Variants in KLHL8 observed in about 807,000 individuals in gnomAD.
The protein encoded by KLHL8 is kelch like family member 8.
A neutral mutation model predicts 63.5 loss-of-function variants in KLHL8; 38 were observed. The observed-to-expected ratio is 0.60, with a 90% CI of 0.46 to 0.78. The LOEUF (loss-of-function observed/expected upper bound fraction) is 0.78. KLHL8 is among the 30% of genes least tolerant of loss of function. The pLI, the probability that KLHL8 is intolerant of heterozygous loss-of-function variation, is 0.00. For missense variants in KLHL8, 566 were observed against 752.4 expected, an observed-to-expected ratio of 0.75 and a Z score of 2.90; for synonymous variants, 224 against 254.3, an observed-to-expected ratio of 0.88 and a Z score of 1.13.
At chr4:87,180,950 T>C (rs935900214) in intron 4 of KLHL8, among the ~76,000 whole-genome samples, 1 of 152,112 alleles carries the variant, frequency 6.6e-6, no homozygotes, top group African/African-American at 2.4e-5. Context: ...GGAGGAGGAC[T>C]GCTCGAGCCC....
At chr4:87,184,355 C>T (rs1187264756) in intron 3 of KLHL8, among the ~76,000 whole-genome samples, 4 of 152,154 alleles carry the variant, frequency 2.6e-5, no homozygotes, top group Non-Finnish European at 5.9e-5. Flanking sequence ...TTTACTTCAT[C>T]TGCCTATAAA....
intron 1 of KLHL8, chr4:87,207,367 G>A (rs185049143): frequency 4.6e-5 from 30 of 657,454 alleles, no homozygotes; most frequent in Middle Eastern, 4.5e-4. Flanking sequence ...CGCTGAGTAC[G>A]TTGTGGAGTC....
intron 1 of KLHL8, among the ~76,000 whole-genome samples, chr4:87,214,006 A>G (rs1205813435): frequency 6.6e-6 from 1 of 152,192 alleles, no homozygotes; most frequent in East Asian, 1.9e-4. Context: ...TAAAGTATTT[A>G]GCTCTGTATC....
chr4:87,184,127 T>C (rs1269494697), intron 3 of KLHL8, among the ~76,000 whole-genome samples: 3 of 152,194 alleles, frequency 2.0e-5, no homozygotes, highest in Admixed American at 6.5e-5. Context: ...TGGCCCCCCT[T>C]GAACGAAATC....
intron 1 of KLHL8, among the ~76,000 whole-genome samples, chr4:87,231,657 C>T (rs1424444022): frequency 2.6e-5 from 4 of 151,862 alleles, no homozygotes; most frequent in South Asian, 2.1e-4. Context: ...AGTGCAGTGA[C>T]GCAATCTCAG....
At chr4:87,203,318 A>G (rs1731990040) in intron 1 of KLHL8, among the ~76,000 whole-genome samples, 3 of 152,220 alleles carry the variant, frequency 2.0e-5, no homozygotes, top group African/African-American at 7.2e-5. Context: ...TGGGCGGTTC[A>G]CAAGGTCAGG....
At chr4:87,168,939 T>G (rs1398937955) in intron 8 of KLHL8, among the ~76,000 whole-genome samples, 3 of 149,568 alleles carry the variant, frequency 2.0e-5, no homozygotes, top group African/African-American at 4.9e-5. Flanking sequence ...TGCATGGGGT[T>G]TGGTAATAAA....
Position 87,226,926 on chromosome 4 carries a change from ATT to A in KLHL8, n.58-5538_58-5537del, listed in dbSNP as rs1560723902. On this transcript the variant is annotated intron_variant and non_coding_transcript_variant, in intron 1 of 1. Transcript: ENST00000506274. Reference sequence around the variant, plus strand: ...TATATAATATATAAATAATATATATATTATATATAAATAATATATATTATATA... The same window carrying A: ...TATATAATATATAAATAATATATATAATATATAAATAATATATATTATATA... Among the ~76,000 whole-genome samples, 27 of 55,726 alleles carry A rather than the reference ATT, an allele frequency of 4.8e-4. 2 individuals are homozygous for A. The highest frequency in any genetic ancestry group is 7.2e-4 in the Non-Finnish European group (24 of 33,380). 36.6% of individuals were successfully genotyped at this position (55,726 alleles called of 152,430 possible).
At chr4:87,212,064 A>G (rs548144223) in intron 1 of KLHL8, among the ~76,000 whole-genome samples, 21 of 152,338 alleles carry the variant, frequency 1.4e-4, no homozygotes, top group African/African-American at 5.1e-4. Context: ...GATCAATGAG[A>G]ATATTTAAAA....
chr4:87,235,448 G>T (rs992015925), intron 1 of KLHL8, among the ~76,000 whole-genome samples: 2 of 152,128 alleles, frequency 1.3e-5, no homozygotes, highest in Non-Finnish European at 2.9e-5. Flanking sequence ...ATCTAGGCTT[G>T]TATAAGCACA....
intron 8 of KLHL8, among the ~76,000 whole-genome samples, chr4:87,168,719 T>G (rs990889169): frequency 1.5e-4 from 21 of 142,026 alleles, no homozygotes; most frequent in African/African-American, 5.1e-4. Flanking sequence ...TGTATATATA[T>G]ACGTATATAT....
chr4:87,198,101 C>A (rs1282202530), intron 1 of KLHL8, among the ~76,000 whole-genome samples: 1 of 151,544 alleles, frequency 6.6e-6, no homozygotes, highest in Admixed American at 6.6e-5. Context: ...GGTGGCTCAC[C>A]TGAGGTCAGG....
chr4:87,187,419 AGATT>A (rs1731307874), intron 2 of KLHL8, among the ~76,000 whole-genome samples: 1 of 150,696 alleles, frequency 6.6e-6, no homozygotes, highest in Non-Finnish European at 1.5e-5. Flanking sequence ...TTTGCTCTTA[AGATT>A]GAATCATTTA....
intron 1 of KLHL8, among the ~76,000 whole-genome samples, chr4:87,212,933 T>C (rs1732461144): frequency 6.6e-6 from 1 of 152,230 alleles, no homozygotes; most frequent in Admixed American, 6.5e-5. Flanking sequence ...AATTGCCTAT[T>C]AACATGTTTC....
At chr4:87,201,964 T>C (rs1264040627) in intron 1 of KLHL8, among the ~76,000 whole-genome samples, 1 of 151,914 alleles carries the variant, frequency 6.6e-6, no homozygotes, top group Non-Finnish European at 1.5e-5. Flanking sequence ...AAAAATTAGC[T>C]GGGCGTAGTG....
intron 1 of KLHL8, among the ~76,000 whole-genome samples, chr4:87,229,783 T>A (rs1348016127): frequency 6.7e-6 from 1 of 149,756 alleles, no homozygotes; most frequent in Non-Finnish European, 1.5e-5. Flanking sequence ...CAGGCTGGAG[T>A]GCAGTGGCAC....
At chr4:87,206,437 C>A (rs558817391) in intron 1 of KLHL8, among the ~76,000 whole-genome samples, 1 of 152,248 alleles carries the variant, frequency 6.6e-6, no homozygotes, top group African/African-American at 2.4e-5. Context: ...TCATTTTTTA[C>A]ATAAAGTAGG....
chr4:87,218,243 T>C lies in KLHL8; in HGVS notation c.-152+2175A>G, dbSNP rs1430367957. 5.9e-5 allele frequency among the ~76,000 whole-genome samples: 4 copies of C among 67,672 alleles called. No homozygotes were observed. In the Admixed American group the frequency reaches 6.0e-4, roughly 10 times the overall value. The allele number at this position is 67,672 out of a possible 152,430, so 44.4% of individuals were successfully genotyped here. A position where few individuals can be genotyped will look rare whatever the true frequency, so the allele number is the denominator to read the frequency against. On this transcript the variant is annotated intron_variant, in intron 1 of 9. Coordinates refer to ENST00000273963, the MANE Select transcript of KLHL8 (RefSeq NM_020803.5). ...CAGGTGGGATCAAAATTTACCCAAC[T>C]TTTTTTTTTTTTTTAGATGGAGTCT... is the stretch of plus-strand genomic sequence containing the variant.
chr4:87,195,184 A>G, intron 2 of KLHL8, 140 bp downstream of exon 2: 1 of 632,664 alleles, frequency 1.6e-6, no homozygotes, highest in Non-Finnish European at 2.7e-6. Context: ...CCTACACTAA[A>G]AAAAAAGATT....
Sources: gnomAD v4.1 joint callset for allele counts (sites outside exome capture counted in the v4.1 genomes callset) on GRCh38, gnomAD v4.1.1 for gene constraint, MANE v1.5 for transcripts, NCBI Gene and HGNC (gene_info 2026-07-23, HGNC 2026-07-21) for gene names.